SLC2A9: variants seen among roughly 807,000 people sequenced by gnomAD.
The protein encoded by SLC2A9 is solute carrier family 2, facilitated glucose transporter member 9.
SLC2A9 carries 39 observed loss-of-function variants against 50.6 expected under a neutral mutation model. That is an observed-to-expected ratio of 0.77 (90% CI 0.60 to 1.01). The LOEUF is 1.01. Among genes scored for constraint, SLC2A9 ranks in the 50% least tolerant of loss-of-function variants. The pLI is 0.00. For synonymous variants in SLC2A9, 324 were observed against 276.9 expected (o/e 1.17, Z -1.69); for missense variants, 686 against 677.6 (o/e 1.01, Z -0.14).
chr4:10,024,811 A>G (rs1763699890), upstream of SLC2A9, among the ~76,000 whole-genome samples: 1 of 152,224 alleles, frequency 6.6e-6, no homozygotes, highest in Non-Finnish European at 1.5e-5. Flanking sequence ...TCTAGCAGGG[A>G]AGAGTTGGAA....
chr4:9,924,492 C>T (rs1033697622), intron 6 of SLC2A9, among the ~76,000 whole-genome samples: 5 of 152,160 alleles, frequency 3.3e-5, no homozygotes, highest in Admixed American at 3.3e-4. Context: ...TCCCAGTTGC[C>T]CACAGCTGAC....
At chr4:9,946,665 A>G (rs982341064) in intron 5 of SLC2A9, among the ~76,000 whole-genome samples, 1 of 152,236 alleles carries the variant, frequency 6.6e-6, no homozygotes, top group Non-Finnish European at 1.5e-5. Context: ...ATAATGGCTT[A>G]CATTGATCAA....
At chr4:9,773,045 C>T (rs1717054291) in intron 1 of SLC2A9, among the ~76,000 whole-genome samples, 1 of 152,146 alleles carries the variant, frequency 6.6e-6, no homozygotes, top group African/African-American at 2.4e-5. Flanking sequence ...GTAAGCCCAT[C>T]CTTCTGCCTC....
Position 9,826,537 on chromosome 4 carries a change from G to C in SLC2A9, c.1483C>G (p.Leu495Val). Residue 495 changes from leucine (L) to valine (V), a missense_variant, in exon 12 of 12, where the codon CTG (leucine) becomes GTG (valine). By Grantham distance (32) the Leu-to-Val change is conservative (BLOSUM62 1). Coordinates refer to ENST00000264784, the MANE Select transcript of SLC2A9 (RefSeq NM_020041.3). ...TTGGTCTCAGGCAGCACAAAATACA[G>C]GTAGATAGCACCTGTGATACAAATT... ...ATICITGAIYLYFVLPETKNR... is the reference protein window; with the variant it reads ...ATICITGAIYVYFVLPETKNR... 1 of 1,613,994 alleles carries C rather than the reference G, an allele frequency of 6.2e-7. No homozygotes were observed. Among genetic ancestry groups the C allele is most frequent in the Non-Finnish European group, 8.5e-7 (1 of 1,179,936 alleles).
At chr4:9,898,732 T>C (rs1283495515) in intron 8 of SLC2A9, among the ~76,000 whole-genome samples, 1 of 152,212 alleles carries the variant, frequency 6.6e-6, no homozygotes, top group African/African-American at 2.4e-5. Context: ...GGACTGATTG[T>C]GCGCAGGGGC....
chr4:9,957,023 A>G (rs1175050779), intron 5 of SLC2A9, among the ~76,000 whole-genome samples: 2 of 152,126 alleles, frequency 1.3e-5, no homozygotes, highest in African/African-American at 4.8e-5. Context: ...CTGGTGGCTC[A>G]GCATGGAGGA....
chr4:9,915,726 G>T (rs1742740155), intron 7 of SLC2A9, among the ~76,000 whole-genome samples: 1 of 152,180 alleles, frequency 6.6e-6, no homozygotes, highest in Non-Finnish European at 1.5e-5. Context: ...CATATGGAGG[G>T]TCTCTTCTCA....
intron 3 of SLC2A9, chr4:9,783,752 T>C: frequency 3.2e-6 from 1 of 315,530 alleles, no homozygotes; most frequent in Non-Finnish European, 6.1e-6. Context: ...TGATACTTGG[T>C]CCTTAAAAAA....
At chr4:9,821,461 C>G (rs1306816374), downstream of SLC2A9, among the ~76,000 whole-genome samples, 3 of 151,994 alleles carry the variant, frequency 2.0e-5, no homozygotes, top group Non-Finnish European at 2.9e-5. Context: ...AACACGTGGA[C>G]ACAGGGAGGG....
intron 2 of SLC2A9, among the ~76,000 whole-genome samples, chr4:10,004,321 T>C (rs1760387520): frequency 6.6e-6 from 1 of 152,130 alleles, no homozygotes. Context: ...GACCTCACAG[T>C]GCTCTCCTCT....
chr4:9,997,063 G>C (rs962525151), intron 2 of SLC2A9, 122 bp from the exon 3 acceptor site: 2 of 1,164,336 alleles, frequency 1.7e-6, no homozygotes, highest in Admixed American at 3.5e-5. Context: ...TTGCTAATTT[G>C]TTTGAGCTTT....
At chr4:9,855,471 A>T (rs970875209) in intron 10 of SLC2A9, among the ~76,000 whole-genome samples, 1 of 152,194 alleles carries the variant, frequency 6.6e-6, no homozygotes, top group Non-Finnish European at 1.5e-5. Context: ...CAGAGATGAC[A>T]CAAACAAATA....
chr4:10,018,222 C>T (rs1762932755), intron 2 of SLC2A9, among the ~76,000 whole-genome samples: 1 of 152,176 alleles, frequency 6.6e-6, no homozygotes, highest in African/African-American at 2.4e-5. Flanking sequence ...CCAGCAGATA[C>T]CTGAGTGGCC....
chr4:9,974,868 C>A (rs1754530351), intron 5 of SLC2A9, among the ~76,000 whole-genome samples: 2 of 152,148 alleles, frequency 1.3e-5, no homozygotes, highest in Non-Finnish European at 2.9e-5. Flanking sequence ...TGTAAACCTA[C>A]AGTAACCAAA....
At chr4:9,804,606 C>T (rs1721883674) in intron 3 of SLC2A9, among the ~76,000 whole-genome samples, 2 of 152,178 alleles carry the variant, frequency 1.3e-5, no homozygotes, top group Non-Finnish European at 2.9e-5. Flanking sequence ...TCCTCTCCTC[C>T]CACCAGGATT....
At chr4:9,783,453 G>A in intron 3 of SLC2A9, 1 of 1,606,940 alleles carries the variant, frequency 6.2e-7, no homozygotes, top group Non-Finnish European at 8.5e-7. Context: ...ACCCCGAATG[G>A]ATTCCATTAA....
At chr4:10,026,603 A>ACAG (rs1476399776) in intron 1 of SLC2A9, among the ~76,000 whole-genome samples, 1 of 152,270 alleles carries the variant, frequency 6.6e-6, no homozygotes, top group African/African-American at 2.4e-5. Context: ...AGAGGTGGAA[A>ACAG]CAGCCCAAGT....
chr4:9,998,748 G>A (rs952919069), intron 2 of SLC2A9, among the ~76,000 whole-genome samples: 6 of 152,142 alleles, frequency 3.9e-5, no homozygotes, highest in Non-Finnish European at 7.3e-5. Flanking sequence ...AAACAGCCCA[G>A]GTGCCCATGG....
chr4:9,860,764 G>C (rs1227792707), intron 10 of SLC2A9, among the ~76,000 whole-genome samples: 1 of 152,202 alleles, frequency 6.6e-6, no homozygotes, highest in Non-Finnish European at 1.5e-5. Context: ...TTGTCTCCCA[G>C]GCCCCTGATC....
Sources: gnomAD v4.1 joint callset for allele counts (sites outside exome capture counted in the v4.1 genomes callset) on GRCh38, gnomAD v4.1.1 for gene constraint, MANE v1.5 for transcripts, NCBI Gene and HGNC (gene_info 2026-07-23, HGNC 2026-07-21) for gene names.